Variants in USP43 observed in about 807,000 individuals in gnomAD.
USP43 encodes ubiquitin carboxyl-terminal hydrolase 43.
A neutral mutation model predicts 90.7 loss-of-function variants in USP43; 33 were observed. The ratio of observed to expected loss-of-function variants is 0.36; its 90% CI spans 0.28 to 0.49. The LOEUF is 0.49. Among genes scored for constraint, USP43 ranks in the 20% least tolerant of loss-of-function variants. The probability of loss-of-function intolerance (pLI) is 0.98; values close to 1 mark genes in which losing one functional copy is unlikely to be tolerated. For synonymous variants in USP43, 598 were observed against 615.8 expected (o/e 0.97, Z 0.43); for missense variants, 1,274 against 1,476.4 (o/e 0.86, Z 2.25).
chr17:9,697,937 T>G (rs1915373308), intron 9 of USP43, among the ~76,000 whole-genome samples: 1 of 152,244 alleles, frequency 6.6e-6, no homozygotes, highest in South Asian at 2.1e-4. Context: ...GGAGTTGAAC[T>G]AATTTACATT....
At chr17:9,661,291 T>C (rs182806300) in intron 2 of USP43, among the ~76,000 whole-genome samples, 6 of 152,338 alleles carry the variant, frequency 3.9e-5, no homozygotes, top group Non-Finnish European at 7.3e-5. Context: ...TTGACATATA[T>C]TAAACACTGA....
chr17:9,661,968 A>C (rs780612829), intron 2 of USP43, among the ~76,000 whole-genome samples: 8 of 152,192 alleles, frequency 5.3e-5, no homozygotes, highest in Non-Finnish European at 8.8e-5. Flanking sequence ...CCCCACGCTC[A>C]ATGACAGGGA....
In USP43 at chr17:9,657,423, T is replaced by C. The variant is rs551694057; in HGVS notation, c.636+889T>C. 6.6e-5 allele frequency among the ~76,000 whole-genome samples: 10 copies of C among 151,894 alleles called. No homozygotes were observed. The East Asian group carries it at 1.5e-3, about 24-fold the overall frequency. On this transcript the variant is annotated intron_variant, in intron 2 of 14. Transcript: ENST00000285199. ...TCGGGAGGCTGAGGCAGGAGAATCC[T>C]TTGAATGTGGGAGGTGGAGTGAGCT...
At chr17:9,673,734 A>T (rs1269792333) in intron 3 of USP43, among the ~76,000 whole-genome samples, 2 of 152,198 alleles carry the variant, frequency 1.3e-5, no homozygotes, top group African/African-American at 4.8e-5. Context: ...GTTCTTCAGC[A>T]AATTACTTAA....
intron 4 of USP43, among the ~76,000 whole-genome samples, chr17:9,675,391 A>C (rs1913701354): frequency 6.6e-6 from 1 of 152,148 alleles, no homozygotes; most frequent in African/African-American, 2.4e-5. Context: ...TTCTTTAAGG[A>C]GCAAAGAAAG....
Position 9,685,149 on chromosome 17 carries a change from T to C in USP43, c.1242-1649T>C, listed in dbSNP as rs1914528788. Among the ~76,000 whole-genome samples the C allele has an allele frequency of 2.0e-5, 3 of 152,344 alleles. No homozygotes were observed. The South Asian group carries it at 6.2e-4, about 32-fold the overall frequency. ...ATACAACAATGGACGCACAGTGCCC[T>C]TGCCTGTCCAGACAGATCACCTCAT... On this transcript the variant is annotated intron_variant, in intron 7 of 14. Coordinates refer to ENST00000285199, the MANE Select transcript of USP43 (RefSeq NM_153210.5).
intron 2 of USP43, among the ~76,000 whole-genome samples, chr17:9,664,778 C>T (rs1394166616): frequency 6.6e-6 from 1 of 152,006 alleles, no homozygotes; most frequent in Non-Finnish European, 1.5e-5. Flanking sequence ...GCCGGGACTA[C>T]AGGTGCCCGC....
chr17:9,722,091 G>C (rs1385199603), intron 14 of USP43, among the ~76,000 whole-genome samples: 1 of 152,002 alleles, frequency 6.6e-6, no homozygotes, highest in Admixed American at 6.6e-5. Flanking sequence ...GCTTTATCTT[G>C]TTAGCTGCTT....
At chr17:9,645,439 G>A (rs995976714), upstream of USP43, 6 of 375,960 alleles carry the variant, frequency 1.6e-5, no homozygotes, top group Admixed American at 2.6e-4. This position sits in a 1 kb window ranked among gnomAD's most constrained non-coding sequence, Gnocchi z 6.8. Flanking sequence ...CTGCCCTGGA[G>A]GGGGCTGGTC....
Position 9,645,596 on chromosome 17 carries a change from CG to C in USP43, c.-32del, listed in dbSNP as rs1167325081. 5 of 1,181,856 alleles carry C rather than the reference CG, an allele frequency of 4.2e-6. No homozygotes were observed. Among genetic ancestry groups the C allele is most frequent in the South Asian group, 4.2e-5 (1 of 23,668 alleles). The allele number at this position is 1,181,856 out of a possible 1,614,324, so 73.2% of individuals were successfully genotyped here. A position where few individuals can be genotyped will look rare whatever the true frequency, so the allele number is the denominator to read the frequency against. On this transcript the variant is annotated 5_prime_UTR_variant, in exon 1 of 15. Coordinates refer to ENST00000285199, the MANE Select transcript of USP43 (RefSeq NM_153210.5). This position sits in a 1 kb window ranked among gnomAD's most constrained non-coding sequence, Gnocchi z 6.8. ...GCTGGCCGCTCGTCCGCCTCGCGCC[CG>C]GGGGCTCCGCGCCTGGAGCTGCGCC... is the stretch of plus-strand genomic sequence containing the variant.
At chr17:9,715,532 CTGTG>C (rs1210819690) in intron 14 of USP43, among the ~76,000 whole-genome samples, 1 of 150,724 alleles carries the variant, frequency 6.6e-6, no homozygotes, top group Admixed American at 6.6e-5. Flanking sequence ...GTGTGTATGT[CTGTG>C]TGTGTGTCTG....
At position 9,674,769 on chromosome 17, in the gene USP43, TGG is replaced by T. The variant is rs1913654490; in HGVS notation, c.741-120_741-119del. The T allele has an allele frequency of 5.1e-6, 4 of 788,912 alleles. No homozygotes were observed. The highest frequency in any genetic ancestry group is 3.9e-5 in the Admixed American group (2 of 51,264). 48.9% of individuals were successfully genotyped at this position (788,912 alleles called of 1,614,324 possible). On this transcript the variant is annotated intron_variant, in intron 3 of 14. Transcript: ENST00000285199. This position sits in a 1 kb window ranked among gnomAD's most constrained non-coding sequence, Gnocchi z 4.4. ...TTTGAACACCTGTTCTCAATTCTTC[TGG>T]GTATGTACCTACGAGTGGAATCACA...
intron 14 of USP43, among the ~76,000 whole-genome samples, chr17:9,721,897 A>ATTT (rs375545876): frequency 0.036 from 4,985 of 136,910 alleles, 175 homozygotes; most frequent in East Asian, 0.2. Flanking sequence ...CACCCAGCTA[A>ATTT]TTTTTTTTTT....
intron 3 of USP43, among the ~76,000 whole-genome samples, chr17:9,672,140 T>G (rs58415009): frequency 0.03 from 4,547 of 152,010 alleles, 175 homozygotes; most frequent in African/African-American, 0.092. Context: ...GGGATTACAG[T>G]CACCTGCCAC....
chr17:9,724,890 G>A (rs79801263), intron 14 of USP43, among the ~76,000 whole-genome samples: 1 of 152,036 alleles, frequency 6.6e-6, no homozygotes, highest in African/African-American at 2.4e-5. Context: ...CCCTTGAAGA[G>A]ACAGAAGGTG....
At chr17:9,675,599 G>A (rs1185200250) in intron 4 of USP43, among the ~76,000 whole-genome samples, 1 of 152,012 alleles carries the variant, frequency 6.6e-6, no homozygotes, top group Non-Finnish European at 1.5e-5. Flanking sequence ...TGGAAGAGAG[G>A]TATTTCCTCT....
chr17:9,661,702 A>T (rs989157231), intron 2 of USP43, among the ~76,000 whole-genome samples: 8 of 152,032 alleles, frequency 5.3e-5, no homozygotes, highest in African/African-American at 1.9e-4. Context: ...GATGTGTTAG[A>T]TGTAGAGTGA....
rs182574497 is a variant in USP43 at position 9,682,709 on chromosome 17, C to G, written c.1106-114C>G. On this transcript the variant is annotated intron_variant, in intron 6 of 14. Coordinates refer to ENST00000285199, the MANE Select transcript of USP43 (RefSeq NM_153210.5). ...TCCCCTAAAGCCCTCTAGTGGCCCC[C>G]CATTGGTGGTTAATAGATGCTCAAA... The G allele has an allele frequency of 1.4e-4, 190 of 1,374,212 alleles. 2 individuals are homozygous for G. In the African/African-American group the frequency reaches 2.5e-3, roughly 18 times the overall value. The allele number at this position is 1,374,212 out of a possible 1,614,324, so 85.1% of individuals were successfully genotyped here. A position where few individuals can be genotyped will look rare whatever the true frequency, so the allele number is the denominator to read the frequency against.
chr17:9,681,465 TATATATATATATATATATATATATATA>T lies in USP43; in HGVS notation c.1105+1100_1105+1126del, dbSNP rs1914259520. ...AGATAAATATATATAAAATATATTA[TATATATATATATATATATATATATATA>T]TATATATATATATATATTTGAGATG... is the stretch of plus-strand genomic sequence containing the variant. On this transcript the variant is annotated intron_variant, in intron 6 of 14. Transcript: ENST00000285199. Among the ~76,000 whole-genome samples the T allele has an allele frequency of 4.9e-4, 36 of 73,012 alleles. 4 individuals carry two copies. Among genetic ancestry groups the T allele is most frequent in the African/African-American group, 1.1e-3 (28 of 25,408 alleles). The allele number at this position is 73,012 out of a possible 152,430, so 47.9% of individuals were successfully genotyped here.
Sources: gnomAD v4.1 joint callset for allele counts (sites outside exome capture counted in the v4.1 genomes callset) on GRCh38, gnomAD v4.1.1 for gene constraint, Gnocchi (gnomAD v3.1) non-coding constraint, MANE v1.5 for transcripts, NCBI Gene and HGNC (gene_info 2026-07-23, HGNC 2026-07-21) for gene names.